Variants in DUSP8 observed in about 807,000 individuals in gnomAD.
The protein encoded by DUSP8 is dual specificity protein phosphatase 8.
In DUSP8, 15 loss-of-function variants were observed where a neutral mutation model predicts 38.7. The observed-to-expected ratio is 0.39, with a 90% CI of 0.26 to 0.60. The LOEUF (loss-of-function observed/expected upper bound fraction) is 0.60, where lower values mean the gene tolerates loss of function less well. Among genes scored for constraint, DUSP8 ranks in the 20% least tolerant of loss-of-function variants. The pLI, the probability that DUSP8 is intolerant of heterozygous loss-of-function variation, is 0.56. For synonymous variants in DUSP8, 458 were observed against 433.9 expected (o/e 1.06, Z -0.69); for missense variants, 768 against 915.0 (o/e 0.84, Z 2.07).
At chr11:1,563,000 G>C in intron 3 of DUSP8, among the ~76,000 whole-genome samples, 1 of 152,166 alleles carries the variant, frequency 6.6e-6, no homozygotes, top group East Asian at 1.9e-4. Context: ...CCCTCAGGCT[G>C]GGTGAAGGTC....
chr11:1,557,507 C>A lies in DUSP8; in HGVS notation c.889G>T (p.Glu297Ter). ...GCGGCCAGCAGCTTCAGGCTGCGCT[C>A]GTACTCCAGCAGCTGGCCCAGGAAG... ...FNFLGQLLEY[E>*]RSLKLLAALQ... Residue 297 changes from glutamate (E) to a stop codon, truncating the protein, a stop_gained, in exon 7 of 7, where the codon GAG becomes TAG. Transcript: ENST00000397374. LOFTEE classifies it high-confidence loss of function. This position sits in a 1 kb window ranked among gnomAD's most constrained non-coding sequence, Gnocchi z 9.9. 6.3e-7 allele frequency: 1 copy of A among 1,588,380 alleles called. No individual in the cohort carries two copies.
At chr11:1,563,238 A>C (rs1245144813) in intron 3 of DUSP8, among the ~76,000 whole-genome samples, 1 of 152,190 alleles carries the variant, frequency 6.6e-6, no homozygotes, top group East Asian at 1.9e-4. Flanking sequence ...GGCCGACCCC[A>C]GGAGGTGGAT....
chr11:1,558,891 T>C lies in DUSP8; in HGVS notation c.535A>G (p.Lys179Glu). 1.2e-6 allele frequency: 2 copies of C among 1,607,610 alleles called. No homozygotes were observed. The highest frequency in any genetic ancestry group is 1.7e-6 in the Non-Finnish European group (2 of 1,176,098). Residue 179 changes from lysine to glutamate, a missense_variant and splice_region_variant, in exon 4 of 7, where the codon AAG becomes GAG. Lys to Glu is a moderately conservative substitution (Grantham distance 56). This residue lies in a region of DUSP8 where 252 missense variants were observed against 410.4 expected (regional missense o/e 0.61). Coordinates refer to ENST00000397374, the MANE Select transcript of DUSP8 (RefSeq NM_004420.3). This position sits in a 1 kb window ranked among gnomAD's most constrained non-coding sequence, Gnocchi z 6.3. The part of the protein sequence containing the change: ...YLGSQKDVLN[K>E]DLMTQNGISY... ...CCCGAACTCCACTGCACACACACCT[T>C]GTTTAGGACGTCCTTCTGCGAGCCC...
intron 3 of DUSP8, among the ~76,000 whole-genome samples, chr11:1,561,807 C>A (rs1387602433): frequency 1.3e-5 from 2 of 148,780 alleles, no homozygotes; most frequent in African/African-American, 4.8e-5. Context: ...GGGGCAGCAC[C>A]CCTGCCCCCC....
At chr11:1,564,262 A>T (rs1848767503) in intron 2 of DUSP8, among the ~76,000 whole-genome samples, 1 of 152,202 alleles carries the variant, frequency 6.6e-6, no homozygotes, top group Non-Finnish European at 1.5e-5. Flanking sequence ...CATGCCATGC[A>T]CATGGGTGAA....
Position 1,557,950 on chromosome 11 carries a change from G to A in DUSP8, c.698-33C>T. On this transcript the variant is annotated intron_variant, in intron 5 of 6. Coordinates refer to ENST00000397374, the MANE Select transcript of DUSP8 (RefSeq NM_004420.3). This position sits in a 1 kb window ranked among gnomAD's most constrained non-coding sequence, Gnocchi z 9.9. ...GGTGGGCCATGGGGGCCAGGTGAGG[G>A]CTAAGACTGCACAGCTTCTCCCTGG... 1 of 1,613,486 alleles carries A rather than the reference G, an allele frequency of 6.2e-7. No homozygotes were observed. Among genetic ancestry groups the A allele is most frequent in the Non-Finnish European group, 8.5e-7 (1 of 1,179,934 alleles).
chr11:1,556,451 C>G lies in DUSP8; in HGVS notation c.*67G>C. ...CAGTAAAACCATTTACCTTTCTTTG[C>G]ATTATATATAATATACATTTATAAC... On this transcript the variant is annotated 3_prime_UTR_variant, in exon 7 of 7. Transcript: ENST00000397374. This position sits in a 1 kb window ranked among gnomAD's most constrained non-coding sequence, Gnocchi z 5.2. 1 of 1,230,342 alleles carries G rather than the reference C, an allele frequency of 8.1e-7. No homozygotes were observed. Among genetic ancestry groups the G allele is most frequent in the Non-Finnish European group, 1.0e-6 (1 of 986,802 alleles). 76.2% of individuals were successfully genotyped at this position (1,230,342 alleles called of 1,614,324 possible).
chr11:1,563,948 C>T lies in DUSP8; in HGVS notation c.273G>A (p.Gln91=). The T allele has an allele frequency of 6.5e-7, 1 of 1,538,812 alleles. No homozygotes were observed. The highest frequency in any genetic ancestry group is 8.8e-7 in the Non-Finnish European group (1 of 1,139,776). The stretch of plus-strand genomic sequence containing the variant: ...CCAGCACGCTGGCGTCCCGCGTGCT[C>T]TGGTCATAGACCACCACGTCCTGTG... The part of the protein sequence containing the change: ...TEPQDVVVYD[Q]STRDASVLAA... Residue 91 remains glutamine (Q), a synonymous_variant, in exon 3 of 7, where the codon CAG becomes CAA. Transcript: ENST00000397374.
chr11:1,565,061 C>A (rs1848781577), intron 2 of DUSP8, among the ~76,000 whole-genome samples: 1 of 152,202 alleles, frequency 6.6e-6, no homozygotes, highest in East Asian at 1.9e-4. Flanking sequence ...TGGGGGGCCA[C>A]AGAGAGAATT....
chr11:1,564,380 G>A (rs1243922500), intron 2 of DUSP8, among the ~76,000 whole-genome samples: 1 of 152,240 alleles, frequency 6.6e-6, no homozygotes, highest in Non-Finnish European at 1.5e-5. Context: ...GGACAGAGAA[G>A]CTCGGCCCTG....
chr11:1,556,571 G>A lies in DUSP8; in HGVS notation c.1825C>T (p.Leu609=). Residue 609 remains leucine (L), a synonymous_variant, in exon 7 of 7, where the codon CTG becomes TTG. Coordinates refer to ENST00000397374, the MANE Select transcript of DUSP8 (RefSeq NM_004420.3). This position sits in a 1 kb window ranked among gnomAD's most constrained non-coding sequence, Gnocchi z 5.2. ...GRARGEELAA[L]GKQASFSGSV... ...CCCGAGAAGCTCGCCTGCTTGCCCA[G>A]GGCGGCCAGCTCCTCGCCGCGCGCG... 3 of 1,429,602 alleles carry A rather than the reference G, an allele frequency of 2.1e-6. No homozygotes were observed. The highest frequency in any genetic ancestry group is 3.0e-5 in the East Asian group (1 of 33,278). 88.6% of individuals were successfully genotyped at this position (1,429,602 alleles called of 1,614,324 possible). A position where few individuals can be genotyped will look rare whatever the true frequency, so the allele number is the denominator to read the frequency against.
In DUSP8 at chr11:1,556,557, C is replaced by G. The variant is rs768081508; in HGVS notation, c.1839G>C (p.Ala613=). The change falls in exon 7 of 7, where the codon GCG becomes GCC. Residue 613 remains alanine (A), a synonymous_variant. Coordinates refer to ENST00000397374, the MANE Select transcript of DUSP8 (RefSeq NM_004420.3). This position sits in a 1 kb window ranked among gnomAD's most constrained non-coding sequence, Gnocchi z 5.2. ...GEELAALGKQ[A]SFSGSVEVIE... is the part of the protein sequence containing the mutation. ...TGACCTCCACGCTGCCCGAGAAGCT[C>G]GCCTGCTTGCCCAGGGCGGCCAGCT... 1 of 1,410,206 alleles carries G rather than the reference C, an allele frequency of 7.1e-7. No homozygotes were observed. 87.4% of individuals were successfully genotyped at this position (1,410,206 alleles called of 1,614,324 possible).
In DUSP8 at chr11:1,557,434, G is replaced by C. The variant is rs757936636; in HGVS notation, c.962C>G (p.Pro321Arg). ...CAGCGGGGCCCCGGCGGCAGGACTG[G>C]GCGGAGGCTCCGGCGTCCCTGAGGG... ...GTPSGTPEPP[P>R]SPAAGAPLPR... Residue 321 changes from proline to arginine, a missense_variant, in exon 7 of 7, where the codon CCC becomes CGC. By Grantham distance (103) the Pro-to-Arg change is moderately radical. Coordinates refer to ENST00000397374, the MANE Select transcript of DUSP8 (RefSeq NM_004420.3). The surrounding 1 kb of genome is among the most constrained non-coding windows in gnomAD (Gnocchi z 9.9). The C allele has an allele frequency of 6.4e-7, 1 of 1,566,624 alleles. No homozygotes were observed. The highest frequency in any genetic ancestry group is 1.8e-5 in the Admixed American group (1 of 54,158).
In DUSP8 at chr11:1,565,837, T is replaced by C. The variant is rs1370382124; in HGVS notation, c.-11A>G. On this transcript the variant is annotated 5_prime_UTR_variant, in exon 2 of 7. Coordinates refer to ENST00000397374, the MANE Select transcript of DUSP8 (RefSeq NM_004420.3). ...CCGGTCCCCAGCCATGGTGGGGCAA[T>C]GGGTGCTGGGGAGGGTGACCCCTGA... is the stretch of plus-strand genomic sequence containing the variant. The C allele has an allele frequency of 6.9e-6, 11 of 1,602,538 alleles. No individual in the cohort carries two copies. The highest frequency in any genetic ancestry group is 4.5e-5 in the East Asian group (2 of 44,578).
At chr11:1,569,789 G>A (rs1311885299) in intron 1 of DUSP8, among the ~76,000 whole-genome samples, 1 of 152,202 alleles carries the variant, frequency 6.6e-6, no homozygotes, top group Non-Finnish European at 1.5e-5. Flanking sequence ...AAGCATGGGG[G>A]GATGGGACTG....
chr11:1,568,626 C>T (rs1848842631), intron 1 of DUSP8, among the ~76,000 whole-genome samples: 1 of 152,164 alleles, frequency 6.6e-6, no homozygotes. Context: ...TCCCTGCTCT[C>T]TCCTACCCAC....
chr11:1,567,913 G>T (rs2133448578), intron 1 of DUSP8, among the ~76,000 whole-genome samples: 1 of 152,308 alleles, frequency 6.6e-6, no homozygotes, highest in African/African-American at 2.4e-5. Context: ...CCCACAGGGG[G>T]TCCTTGATGA....
chr11:1,561,718 C>T (rs1428249657), intron 3 of DUSP8, among the ~76,000 whole-genome samples: 1 of 152,260 alleles, frequency 6.6e-6, no homozygotes, highest in Non-Finnish European at 1.5e-5. Context: ...ACATTCCGGC[C>T]TCTACTGTCC....
At chr11:1,572,438 G>T (rs1295711437), upstream of DUSP8, among the ~76,000 whole-genome samples, 1 of 149,156 alleles carries the variant, frequency 6.7e-6, no homozygotes, top group Non-Finnish European at 1.5e-5. The surrounding 1 kb of genome is among the most constrained non-coding windows in gnomAD (Gnocchi z 4.7). Flanking sequence ...GCGGGGGGGG[G>T]GCGGGGTGCA....
Sources: allele counts gnomAD v4.1 joint callset (sites outside exome capture counted in the v4.1 genomes callset), GRCh38; gene constraint gnomAD v4.1.1; regional missense constraint gnomAD v4.1.1; non-coding constraint Gnocchi (gnomAD v3.1); transcripts MANE v1.5; gene names NCBI Gene and HGNC (gene_info 2026-07-23, HGNC 2026-07-21).